Variants in RNF180 observed in about 807,000 individuals in gnomAD.
RNF180 encodes the protein E3 ubiquitin-protein ligase RNF180.
RNF180 carries 38 observed loss-of-function variants against 59.2 expected under a neutral mutation model. That is an observed-to-expected ratio of 0.64 (90% CI 0.50 to 0.84). The LOEUF (loss-of-function observed/expected upper bound fraction) is 0.84. RNF180 is among the 40% of genes least tolerant of loss of function. RNF180 has a pLI of 0.00. For synonymous variants in RNF180, 262 were observed against 240.3 expected (o/e 1.09, Z -0.84); for missense variants, 705 against 700.9 (o/e 1.01, Z -0.07).
intron 5 of RNF180, among the ~76,000 whole-genome samples, chr5:64,323,633 A>G (rs923193116): frequency 4.6e-5 from 7 of 152,230 alleles, no homozygotes; most frequent in African/African-American, 1.7e-4. Context: ...TTTGAGAAAA[A>G]CATTCTCAAG....
intron 1 of RNF180, among the ~76,000 whole-genome samples, chr5:64,199,510 A>C (rs1444015131): frequency 6.6e-6 from 1 of 152,124 alleles, no homozygotes; most frequent in Admixed American, 6.6e-5. Flanking sequence ...AAGCTTCCCA[A>C]GTGATTCTAT....
chr5:64,336,645 C>A (rs1745138133), intron 7 of RNF180, among the ~76,000 whole-genome samples: 1 of 152,100 alleles, frequency 6.6e-6, no homozygotes, highest in Non-Finnish European at 1.5e-5. Context: ...GAATTAGAAA[C>A]CCTCATTTTA....
At chr5:64,208,336 T>G (rs1752127244) in intron 2 of RNF180, among the ~76,000 whole-genome samples, 1 of 152,094 alleles carries the variant, frequency 6.6e-6, no homozygotes, top group Non-Finnish European at 1.5e-5. Context: ...GTAATTTTTT[T>G]ACAATCCTGG....
intron 5 of RNF180, among the ~76,000 whole-genome samples, chr5:64,308,510 A>G (rs1181203831): frequency 6.6e-6 from 1 of 151,738 alleles, no homozygotes; most frequent in Non-Finnish European, 1.5e-5. Flanking sequence ...TTATTTCACA[A>G]AAGTGTAGCC....
At chr5:64,322,309 A>G (rs1045140274) in intron 5 of RNF180, among the ~76,000 whole-genome samples, 2 of 152,092 alleles carry the variant, frequency 1.3e-5, no homozygotes, top group Non-Finnish European at 2.9e-5. Context: ...AATTTAAAGA[A>G]AAAAACAACC....
chr5:64,200,845 G>T lies in RNF180; in HGVS notation c.38G>T (p.Ser13Ile), dbSNP rs747486889. Residue 13 changes from serine to isoleucine, a missense_variant, in exon 2 of 8, where the codon AGT becomes ATT. Physicochemically the swap from Ser to Ile is moderately radical, Grantham distance 142 (BLOSUM62 -2). Coordinates refer to ENST00000389100, the MANE Select transcript of RNF180 (RefSeq NM_001113561.2). ...AAAGAATTGATAACTAAAAATCATA[G>T]TCAAGAGGAAACAAGTATTCTTCGT... ...RSKELITKNH[S>I]QEETSILRCW... 3.1e-6 allele frequency: 5 copies of T among 1,612,424 alleles called. No individual in the cohort carries two copies. The highest frequency in any genetic ancestry group is 3.4e-6 in the Non-Finnish European group (4 of 1,178,644).
intron 5 of RNF180, among the ~76,000 whole-genome samples, chr5:64,251,332 G>A (rs954042004): frequency 4.6e-5 from 7 of 152,140 alleles, no homozygotes; most frequent in Non-Finnish European, 7.4e-5. Context: ...CCATACTGGC[G>A]ACCCTAGCCA....
intron 5 of RNF180, 126 bp from the exon 6 acceptor site, chr5:64,325,060 A>G (rs962188401): frequency 3.2e-6 from 2 of 618,226 alleles, no homozygotes; most frequent in Non-Finnish European, 5.7e-6. Flanking sequence ...CATTTCTGGC[A>G]CTTTGAATAT....
intron 7 of RNF180, among the ~76,000 whole-genome samples, chr5:64,355,601 CAAA>C (rs199819337): frequency 2.0e-5 from 3 of 151,090 alleles, no homozygotes; most frequent in African/African-American, 7.3e-5. Flanking sequence ...CTTGCATAAC[CAAA>C]AAAAATCCTG....
intron 5 of RNF180, among the ~76,000 whole-genome samples, chr5:64,257,283 T>G (rs1206857243): frequency 6.6e-6 from 1 of 152,016 alleles, no homozygotes. Flanking sequence ...CTTGTGCCAG[T>G]TTTCAAAGGG....
intron 5 of RNF180, among the ~76,000 whole-genome samples, chr5:64,300,354 G>A (rs1396453333): frequency 6.6e-6 from 1 of 151,722 alleles, no homozygotes; most frequent in Non-Finnish European, 1.5e-5. Flanking sequence ...CTTAACGATG[G>A]TTAGACATTT....
At chr5:64,252,478 A>C (rs1460408631) in intron 5 of RNF180, among the ~76,000 whole-genome samples, 1 of 152,198 alleles carries the variant, frequency 6.6e-6, no homozygotes, top group African/African-American at 2.4e-5. Context: ...TACATATATT[A>C]ATTATCTAGA....
intron 7 of RNF180, among the ~76,000 whole-genome samples, chr5:64,338,297 T>G (rs1311439266): frequency 6.6e-6 from 1 of 152,170 alleles, no homozygotes; most frequent in Admixed American, 6.5e-5. Flanking sequence ...GGACTTCTAT[T>G]TGATTTTGAA....
chr5:64,217,025 A>C (rs1462282111), intron 4 of RNF180, among the ~76,000 whole-genome samples: 2 of 152,154 alleles, frequency 1.3e-5, no homozygotes, highest in African/African-American at 4.8e-5. Flanking sequence ...CCTGAAAACC[A>C]CTGATGTGTT....
intron 7 of RNF180, among the ~76,000 whole-genome samples, chr5:64,350,872 G>C (rs559496990): frequency 4.0e-4 from 61 of 152,262 alleles, no homozygotes; most frequent in Non-Finnish European, 1.8e-4. Flanking sequence ...TTTTGGCTTA[G>C]GATTGACTTG....
chr5:64,178,196 C>A (rs1321205692), intron 1 of RNF180, among the ~76,000 whole-genome samples: 1 of 103,928 alleles, frequency 9.6e-6, no homozygotes, highest in African/African-American at 3.6e-5. Flanking sequence ...GAGCTAGACT[C>A]CATCTCAAAA....
At position 64,199,235 on chromosome 5, in the gene RNF180, G is replaced by C. The variant is rs1194771996; in HGVS notation, c.1-1573G>C. Reference sequence around the variant, plus strand: ...CAGAACTGCAGCCTGTCTACTTGAAGGTCTGAACTAGAGGGGCTTGCTGTG... The same window carrying C: ...CAGAACTGCAGCCTGTCTACTTGAACGTCTGAACTAGAGGGGCTTGCTGTG... On this transcript the variant is annotated intron_variant, in intron 1 of 7. Coordinates refer to ENST00000389100, the MANE Select transcript of RNF180 (RefSeq NM_001113561.2). Among the ~76,000 whole-genome samples, 4 of 152,198 alleles carry C rather than the reference G, an allele frequency of 2.6e-5. No homozygotes were observed. In the South Asian group the frequency reaches 8.3e-4, roughly 31 times the overall value.
chr5:64,324,633 A>G (rs967061725), intron 5 of RNF180, among the ~76,000 whole-genome samples: 4 of 152,192 alleles, frequency 2.6e-5, no homozygotes, highest in African/African-American at 9.7e-5. Context: ...CTAATCCCAT[A>G]ATTACTCTCA....
intron 5 of RNF180, among the ~76,000 whole-genome samples, chr5:64,324,144 A>G (rs138776544): frequency 2.4e-3 from 359 of 152,360 alleles, no homozygotes; most frequent in Non-Finnish European, 3.9e-3. Context: ...TCTAAAGACC[A>G]AAACACTTCT....
Sources: allele counts gnomAD v4.1 joint callset (sites outside exome capture counted in the v4.1 genomes callset), GRCh38; gene constraint gnomAD v4.1.1; transcripts MANE v1.5; gene names NCBI Gene and HGNC (gene_info 2026-07-23, HGNC 2026-07-21).